B3GAT2: variants seen among roughly 807,000 people sequenced by gnomAD.
B3GAT2 encodes beta-1,3-glucuronyltransferase 2, also known as galactosylgalactosylxylosylprotein 3-beta-glucuronosyltransferase 2.
In B3GAT2, 26 loss-of-function variants were observed where a neutral mutation model predicts 27.8. The ratio of observed to expected loss-of-function variants is 0.93; its 90% CI spans 0.68 to 1.30. The LOEUF is 1.30. Among genes scored for constraint, B3GAT2 ranks in the 50% most tolerant of loss-of-function variants. B3GAT2 has a pLI of 0.00. For missense variants in B3GAT2, 458 were observed against 459.0 expected (o/e 1.00, Z 0.02); for synonymous variants, 218 against 195.1 (o/e 1.12, Z -0.98).
chr6:70,888,548 G>T (rs1772229964), intron 2 of B3GAT2, among the ~76,000 whole-genome samples: 1 of 152,018 alleles, frequency 6.6e-6, no homozygotes, highest in Non-Finnish European at 1.5e-5. Context: ...CCCGCTACGG[G>T]CTCATTACCC....
intron 1 of B3GAT2, among the ~76,000 whole-genome samples, chr6:70,910,389 TG>T (rs1382123661): frequency 6.6e-6 from 1 of 152,198 alleles, no homozygotes; most frequent in Non-Finnish European, 1.5e-5. Flanking sequence ...GTGTTCTCAA[TG>T]TTTAGCTTCC....
At chr6:70,890,153 T>C (rs949113306) in intron 2 of B3GAT2, among the ~76,000 whole-genome samples, 1 of 152,094 alleles carries the variant, frequency 6.6e-6, no homozygotes, top group Non-Finnish European at 1.5e-5. Context: ...GGTCCTCCTC[T>C]TCCCACATCC....
At chr6:70,884,095 C>CAAAAAAAAA (rs70990339) in intron 2 of B3GAT2, among the ~76,000 whole-genome samples, 8 of 100,686 alleles carry the variant, frequency 7.9e-5, no homozygotes, top group Non-Finnish European at 1.0e-4. Flanking sequence ...CCTCAAGACT[C>CAAAAAAAAA]AAAAAAAAAA....
intron 1 of B3GAT2, among the ~76,000 whole-genome samples, chr6:70,933,314 A>C (rs1773089628): frequency 6.6e-6 from 1 of 152,196 alleles, no homozygotes; most frequent in Admixed American, 6.5e-5. Context: ...TAAAAACCCC[A>C]AAACCTGTCT....
chr6:70,883,869 T>TGCTTGAGCA (rs758836039), intron 2 of B3GAT2, among the ~76,000 whole-genome samples: 213 of 152,220 alleles, frequency 1.4e-3, no homozygotes, highest in Non-Finnish European at 2.0e-3. Context: ...ATTCTCTTCT[T>TGCTTGAGCA]GCTTGAGCAA....
intron 1 of B3GAT2, among the ~76,000 whole-genome samples, chr6:70,917,742 T>C (rs947169638): frequency 2.6e-5 from 4 of 152,234 alleles, no homozygotes; most frequent in African/African-American, 7.2e-5. Flanking sequence ...TCTAATTTGA[T>C]TGCATTGCGG....
intron 1 of B3GAT2, among the ~76,000 whole-genome samples, chr6:70,920,275 G>A (rs1253424612): frequency 6.6e-6 from 1 of 152,216 alleles, no homozygotes; most frequent in East Asian, 1.9e-4. Flanking sequence ...GAATACCGTG[G>A]GAAAAGTGCA....
At chr6:70,901,244 T>C (rs1382920800) in intron 1 of B3GAT2, among the ~76,000 whole-genome samples, 1 of 152,228 alleles carries the variant, frequency 6.6e-6, no homozygotes, top group African/African-American at 2.4e-5. Context: ...GGCTAGATGA[T>C]TAAGGGTAAC....
At chr6:70,888,191 T>C (rs1265174067) in intron 2 of B3GAT2, among the ~76,000 whole-genome samples, 1 of 151,398 alleles carries the variant, frequency 6.6e-6, no homozygotes, top group Non-Finnish European at 1.5e-5. Context: ...CCACAGTGAA[T>C]CCTGAGCTTG....
At chr6:70,924,639 T>C (rs1315671704) in intron 1 of B3GAT2, among the ~76,000 whole-genome samples, 1 of 152,008 alleles carries the variant, frequency 6.6e-6, no homozygotes, top group East Asian at 1.9e-4. Flanking sequence ...AGTGAGAAAA[T>C]TATGACAGTG....
intron 1 of B3GAT2, among the ~76,000 whole-genome samples, chr6:70,894,554 C>T (rs978140820): frequency 2.0e-5 from 3 of 152,156 alleles, no homozygotes; most frequent in Non-Finnish European, 4.4e-5. Context: ...AGCTAAGTTG[C>T]AACTATCAGA....
Position 70,859,408 on chromosome 6 carries a change from C to A in B3GAT2, c.*2255G>T. The A allele has an allele frequency of 6.5e-7, 1 of 1,546,722 alleles. No individual in the cohort carries two copies. Among genetic ancestry groups the A allele is most frequent in the Non-Finnish European group, 8.7e-7 (1 of 1,144,446 alleles). On this transcript the variant is annotated 3_prime_UTR_variant, in exon 4 of 4. Transcript: ENST00000230053. The stretch of plus-strand genomic sequence containing the variant: ...CCAATGACAAGGTGGTTAAAATGTC[C>A]TTTAGTAGGTATGAAGACGTGATCT...
At chr6:70,884,747 G>A (rs1206715210) in intron 2 of B3GAT2, among the ~76,000 whole-genome samples, 10 of 152,218 alleles carry the variant, frequency 6.6e-5, no homozygotes, top group Non-Finnish European at 1.5e-4. Context: ...GCATATCCTA[G>A]GCTGGAGGGC....
At chr6:70,955,192 T>G (rs1378134908) in intron 1 of B3GAT2, among the ~76,000 whole-genome samples, 4 of 121,796 alleles carry the variant, frequency 3.3e-5, no homozygotes, top group Admixed American at 1.7e-4. Flanking sequence ...AAAAAAAAAG[T>G]AATCTTGAGG....
At chr6:70,884,554 C>T (rs1196351643) in intron 2 of B3GAT2, among the ~76,000 whole-genome samples, 2 of 152,100 alleles carry the variant, frequency 1.3e-5, no homozygotes, top group Non-Finnish European at 2.9e-5. Context: ...ACATGAGCGC[C>T]ACCTTGTGGA....
At chr6:70,929,456 T>C (rs1185346079) in intron 1 of B3GAT2, among the ~76,000 whole-genome samples, 1 of 152,176 alleles carries the variant, frequency 6.6e-6, no homozygotes, top group East Asian at 1.9e-4. Context: ...AACCCCATCG[T>C]CTCAGCCCAA....
chr6:70,878,401 A>C (rs1167163214), intron 2 of B3GAT2, among the ~76,000 whole-genome samples: 2 of 151,672 alleles, frequency 1.3e-5, no homozygotes, highest in Admixed American at 6.6e-5. Context: ...TCAATACAAA[A>C]TGTTCCTCTC....
rs563524193 is a variant in B3GAT2 at position 70,935,777 on chromosome 6, G to A, written c.591+20062C>T. ...GCACTAAACATGGAAAGGCACAACC[G>A]GTACCAGCCACTGCAAAATCATGCC... On this transcript the variant is annotated intron_variant, in intron 1 of 3. Coordinates refer to ENST00000230053, the MANE Select transcript of B3GAT2 (RefSeq NM_080742.3). Among the ~76,000 whole-genome samples the A allele has an allele frequency of 4.2e-4, 64 of 152,192 alleles. No individual in the cohort carries two copies. The South Asian group carries it at 5.6e-3, about 13-fold the overall frequency.
chr6:70,954,916 G>GGGT (rs1554218594), intron 1 of B3GAT2, among the ~76,000 whole-genome samples: 1 of 73,966 alleles, frequency 1.4e-5, no homozygotes, highest in Admixed American at 1.6e-4. Context: ...CGGGGGCGGC[G>GGGT]GGGGGGGGCG....
Sources: gnomAD v4.1 joint callset for allele counts (sites outside exome capture counted in the v4.1 genomes callset) on GRCh38, gnomAD v4.1.1 for gene constraint, MANE v1.5 for transcripts, NCBI Gene and HGNC (gene_info 2026-07-23, HGNC 2026-07-21) for gene names.